Variants in ANKRD45 observed in about 807,000 individuals in gnomAD.
The protein encoded by ANKRD45 is ankyrin repeat domain-containing protein 45.
ANKRD45 carries 21 observed loss-of-function variants against 28.1 expected under a neutral mutation model. The ratio of observed to expected loss-of-function variants is 0.75; its 90% CI spans 0.53 to 1.08. The LOEUF (loss-of-function observed/expected upper bound fraction) is 1.08. Among genes scored for constraint, ANKRD45 ranks in the 50% least tolerant of loss-of-function variants. The probability of loss-of-function intolerance (pLI) is 0.00; values close to 1 mark genes in which losing one functional copy is unlikely to be tolerated. For missense variants in ANKRD45, 261 were observed against 308.7 expected (o/e 0.85, Z 1.16); for synonymous variants, 86 against 103.9 (o/e 0.83, Z 1.05).
chr1:173,631,052 G>T (rs1339896193), intron 3 of ANKRD45, among the ~76,000 whole-genome samples: 1 of 151,686 alleles, frequency 6.6e-6, no homozygotes, highest in African/African-American at 2.4e-5. Context: ...AAAAATCAAA[G>T]ATCCAATTAT....
At chr1:173,682,722 C>CACACACACAA in the ANKRD45 span, among the ~76,000 whole-genome samples, 1 of 148,694 alleles carries the variant, frequency 6.7e-6, no homozygotes, top group Non-Finnish European at 1.5e-5. Context: ...CACACACACA[C>CACACACACAA]ATCTTGGATG....
chr1:173,708,877 AC>A, the ANKRD45 span, among the ~76,000 whole-genome samples: 1 of 152,156 alleles, frequency 6.6e-6, no homozygotes, highest in Non-Finnish European at 1.5e-5. Context: ...TAGCACTGGG[AC>A]CCCGGTCTTC....
chr1:173,659,064 A>T (rs1325622257), intron 2 of ANKRD45, 27 bp downstream of exon 2: 2 of 1,604,910 alleles, frequency 1.2e-6, no homozygotes, highest in Non-Finnish European at 1.7e-6. Flanking sequence ...CATAAGTAAT[A>T]CTGATGAGAG....
intron 5 of ANKRD45, among the ~76,000 whole-genome samples, chr1:173,614,926 C>G (rs1463339849): frequency 3.3e-5 from 5 of 152,036 alleles, no homozygotes; most frequent in Non-Finnish European, 1.5e-5. Context: ...GGGTGATCAT[C>G]CTGTCTCAGC....
chr1:173,616,340 TA>T (rs201214976), intron 5 of ANKRD45, among the ~76,000 whole-genome samples: 9 of 148,906 alleles, frequency 6.0e-5, no homozygotes, highest in East Asian at 2.0e-4. Context: ...AAAAAAAAGT[TA>T]AAAAAAAAAT....
chr1:173,681,876 C>T, the ANKRD45 span, among the ~76,000 whole-genome samples: 1 of 151,826 alleles, frequency 6.6e-6, no homozygotes, highest in Non-Finnish European at 1.5e-5. Context: ...ATGGTGAAAC[C>T]CCGTCTCTAC....
At chr1:173,626,360 A>G (rs1264775485) in intron 4 of ANKRD45, among the ~76,000 whole-genome samples, 1 of 152,208 alleles carries the variant, frequency 6.6e-6, no homozygotes, top group Non-Finnish European at 1.5e-5. Context: ...TAGATCTAGT[A>G]CTTAGATATG....
chr1:173,690,290 G>A, the ANKRD45 span, among the ~76,000 whole-genome samples: 1 of 152,096 alleles, frequency 6.6e-6, no homozygotes, highest in East Asian at 1.9e-4. Flanking sequence ...AATGTGAGTA[G>A]AGGGGGAATT....
intron 3 of ANKRD45, among the ~76,000 whole-genome samples, chr1:173,633,947 T>C (rs1668302768): frequency 6.6e-6 from 1 of 151,888 alleles, no homozygotes; most frequent in African/African-American, 2.4e-5. Context: ...TTTTCAGTAA[T>C]ACCCTACGAG....
intron 2 of ANKRD45, among the ~76,000 whole-genome samples, chr1:173,651,129 G>C (rs932250522): frequency 2.0e-5 from 3 of 152,258 alleles, no homozygotes; most frequent in Admixed American, 6.5e-5. Flanking sequence ...GGCTTTTGTT[G>C]CCATTGCTTT....
chr1:173,702,558 C>T, the ANKRD45 span, among the ~76,000 whole-genome samples: 1 of 151,694 alleles, frequency 6.6e-6, no homozygotes, highest in African/African-American at 2.4e-5. Flanking sequence ...GAATAAACAG[C>T]TTTAGGTGAA....
the ANKRD45 span, among the ~76,000 whole-genome samples, chr1:173,705,811 C>T: frequency 3.3e-5 from 5 of 152,090 alleles, no homozygotes; most frequent in African/African-American, 1.2e-4. Context: ...CTCTCCTTTC[C>T]CCTGTAGGTA....
rs907717197 is a variant in ANKRD45, at chr1:173,635,404, CTGGTAT to C, written c.497-8251_497-8246del. 6.3e-6 allele frequency: 5 copies of C among 788,474 alleles called. No homozygotes were observed. The African/African-American group carries it at 8.7e-5, about 14-fold the overall frequency. 48.8% of individuals were successfully genotyped at this position (788,474 alleles called of 1,614,324 possible). A position where few individuals can be genotyped will look rare whatever the true frequency, so the allele number is the denominator to read the frequency against. On this transcript the variant is annotated intron_variant, in intron 3 of 5. Transcript: ENST00000333279. ...GAAGCACCATTTTAACTAATAGCTC[CTGGTAT>C]TTTCTGCTTCCCTTCGTAGGGAATT... is the stretch of plus-strand genomic sequence containing the variant.
intron 5 of ANKRD45, among the ~76,000 whole-genome samples, chr1:173,612,999 T>TGCCCGGCCGCCACCCCGTCTGG (rs1388724924): frequency 7.9e-5 from 12 of 152,222 alleles, no homozygotes; most frequent in African/African-American, 2.9e-4. Context: ...TTGCAGCCTC[T>TGCCCGGCCGCCACCCCGTCTGG]GCCCGGCCGC....
chr1:173,615,675 A>C (rs1571683321), intron 5 of ANKRD45, among the ~76,000 whole-genome samples: 1 of 152,232 alleles, frequency 6.6e-6, no homozygotes, highest in East Asian at 1.9e-4. Context: ...AATGGAAATC[A>C]GTTTATAACT....
At chr1:173,629,780 A>G (rs1668105067) in intron 3 of ANKRD45, among the ~76,000 whole-genome samples, 1 of 152,132 alleles carries the variant, frequency 6.6e-6, no homozygotes, top group Admixed American at 6.5e-5. Context: ...AACTTCCCAA[A>G]CCTAGAGAAA....
At chr1:173,632,835 T>C (rs368419013) in intron 3 of ANKRD45, among the ~76,000 whole-genome samples, 6 of 152,198 alleles carry the variant, frequency 3.9e-5, no homozygotes, top group African/African-American at 1.2e-4. Context: ...AAACTGGGTA[T>C]AGTAGGAACA....
chr1:173,655,943 T>G (rs922637457), intron 2 of ANKRD45, among the ~76,000 whole-genome samples: 2 of 152,214 alleles, frequency 1.3e-5, no homozygotes, highest in Non-Finnish European at 2.9e-5. Context: ...GTGTGCCATT[T>G]GCTAAGACTG....
At chr1:173,679,949 C>A in the ANKRD45 span, among the ~76,000 whole-genome samples, 194 of 152,330 alleles carry the variant, frequency 1.3e-3, 1 homozygote, top group African/African-American at 3.6e-3. Flanking sequence ...TGCTCATCAT[C>A]ACTGGTCATT....
Sources: allele counts gnomAD v4.1 joint callset (sites outside exome capture counted in the v4.1 genomes callset), GRCh38; gene constraint gnomAD v4.1.1; transcripts MANE v1.5; gene names NCBI Gene and HGNC (gene_info 2026-07-23, HGNC 2026-07-21).